Variants in SORT1 observed in about 807,000 individuals in gnomAD.
The protein encoded by SORT1 is sortilin 1, also known as sortilin.
Under a neutral mutation model 101.7 loss-of-function variants are expected in SORT1, and 39 were observed. The observed-to-expected ratio is 0.38, with a 90% CI of 0.30 to 0.50. The LOEUF is 0.50. SORT1 is among the 20% of genes least tolerant of loss of function. SORT1 has a pLI of 0.90. For missense variants in SORT1, 878 were observed against 1,040.4 expected (o/e 0.84, Z 2.15); for synonymous variants, 396 against 393.7 (o/e 1.01, Z -0.07).
chr1:109,390,752 AGTGTGTGT>A (rs749381586), intron 1 of SORT1, among the ~76,000 whole-genome samples: 2 of 144,428 alleles, frequency 1.4e-5, no homozygotes, highest in Non-Finnish European at 3.0e-5. Flanking sequence ...AATATTAGAA[AGTGTGTGT>A]GTGTGTGTGT....
Position 109,310,311 on chromosome 1 carries a change from C to A in SORT1, c.*3732G>T, listed in dbSNP as rs970423333. The A allele has an allele frequency of 6.5e-6, 1 of 153,454 alleles. No homozygotes were observed. The highest frequency in any genetic ancestry group is 6.5e-5 in the Admixed American group (1 of 15,272). 9.5% of individuals were successfully genotyped at this position (153,454 alleles called of 1,614,324 possible). A position where few individuals can be genotyped will look rare whatever the true frequency, so the allele number is the denominator to read the frequency against. ...TCTGACTCTTGTTATTATAATGCAA[C>A]CTAACCAAGAAATCAACATGCTCCT... On this transcript the variant is annotated 3_prime_UTR_variant, in exon 20 of 20. Coordinates refer to ENST00000256637, the MANE Select transcript of SORT1 (RefSeq NM_002959.7).
chr1:109,349,675 G>A (rs1649834449), intron 6 of SORT1, among the ~76,000 whole-genome samples: 1 of 152,206 alleles, frequency 6.6e-6, no homozygotes, highest in Non-Finnish European at 1.5e-5. Flanking sequence ...GGGAGGCTGA[G>A]GCAGAAGGAT....
intron 1 of SORT1, 194 bp downstream of exon 1, chr1:109,397,393 A>T: frequency 5.8e-6 from 1 of 173,106 alleles, no homozygotes; most frequent in Non-Finnish European, 1.2e-5. Context: ...CTCCCCTATG[A>T]CAAAACACAG....
chr1:109,355,550 C>T (rs1650249802), intron 3 of SORT1, 81 bp from the exon 4 acceptor site: 3 of 705,438 alleles, frequency 4.3e-6, no homozygotes, highest in Non-Finnish European at 7.7e-6. Context: ...TTCATTCTCC[C>T]TTTCCACCAA....
At chr1:109,348,976 G>GA (rs879445141) in intron 6 of SORT1, among the ~76,000 whole-genome samples, 23 of 150,432 alleles carry the variant, frequency 1.5e-4, no homozygotes, top group South Asian at 8.4e-4. Context: ...CTTAAAAAAA[G>GA]AAAAAAAAAT....
chr1:109,351,641 C>T (rs1175777261), intron 5 of SORT1, among the ~76,000 whole-genome samples: 1 of 152,176 alleles, frequency 6.6e-6, no homozygotes, highest in African/African-American at 2.4e-5. Flanking sequence ...GAGGCCAGCT[C>T]ACAGAGAGCC....
intron 1 of SORT1, chr1:109,392,952 A>T (rs1350284327): frequency 1.0e-6 from 1 of 985,302 alleles, no homozygotes; most frequent in African/African-American, 1.7e-5. Flanking sequence ...GGTGCTAGGG[A>T]AGGTAGGATG....
chr1:109,373,000 A>T (rs1651585170), intron 1 of SORT1, among the ~76,000 whole-genome samples: 1 of 152,070 alleles, frequency 6.6e-6, no homozygotes, highest in Admixed American at 6.5e-5. Context: ...GGCTGCAGTG[A>T]GGCAAGATTG....
intron 14 of SORT1, among the ~76,000 whole-genome samples, chr1:109,323,578 A>G (rs1204309140): frequency 6.6e-6 from 1 of 152,242 alleles, no homozygotes; most frequent in Non-Finnish European, 1.5e-5. Flanking sequence ...CCATGTGTTC[A>G]TTGGCTTAAG....
At chr1:109,319,991 G>A (rs1017787767) in intron 15 of SORT1, among the ~76,000 whole-genome samples, 2 of 152,148 alleles carry the variant, frequency 1.3e-5, no homozygotes, top group African/African-American at 4.8e-5. Flanking sequence ...TGCAGCATCT[G>A]ACATACTGTT....
chr1:109,314,530 C>A, intron 18 of SORT1, 142 bp downstream of exon 18: 1 of 1,177,812 alleles, frequency 8.5e-7, no homozygotes. Flanking sequence ...GAAAAATGTA[C>A]GACATGAGAA....
chr1:109,388,396 AC>A (rs1652711207), intron 1 of SORT1, among the ~76,000 whole-genome samples: 1 of 150,390 alleles, frequency 6.6e-6, no homozygotes, highest in Non-Finnish European at 1.5e-5. Context: ...ATGCTACCAT[AC>A]CAGGCTAATT....
chr1:109,341,288 T>C (rs986206957), intron 9 of SORT1, among the ~76,000 whole-genome samples: 1 of 152,198 alleles, frequency 6.6e-6, no homozygotes, highest in African/African-American at 2.4e-5. Flanking sequence ...ACTGATGCTA[T>C]TGTAAAACAT....
At chr1:109,317,590 G>A (rs1647313328) in intron 16 of SORT1, among the ~76,000 whole-genome samples, 1 of 152,232 alleles carries the variant, frequency 6.6e-6, no homozygotes, top group South Asian at 2.1e-4. Flanking sequence ...GGTTGGGCGG[G>A]AGGCAGGGGT....
intron 8 of SORT1, among the ~76,000 whole-genome samples, chr1:109,343,734 C>G (rs1649387619): frequency 1.3e-5 from 2 of 152,106 alleles, no homozygotes; most frequent in Non-Finnish European, 1.5e-5. Context: ...CTGCAACCTC[C>G]GTCTCCACAG....
chr1:109,397,499 C>T (rs1286019704), intron 1 of SORT1, 88 bp downstream of exon 1: 42 of 915,710 alleles, frequency 4.6e-5, no homozygotes, highest in Non-Finnish European at 5.1e-5. Flanking sequence ...CTGGGGTCTC[C>T]TCCGGGAGTC....
chr1:109,317,227 A>G (rs72646586), intron 16 of SORT1, among the ~76,000 whole-genome samples: 318 of 152,274 alleles, frequency 2.1e-3, no homozygotes, highest in African/African-American at 6.9e-3. Context: ...TCTGACCCCA[A>G]AAAAGCTCAT....
At chr1:109,355,220 A>C in intron 4 of SORT1, 147 bp downstream of exon 4, 1 of 608,610 alleles carries the variant, frequency 1.6e-6, no homozygotes, top group Non-Finnish European at 2.9e-6. Flanking sequence ...GACCCTTAAA[A>C]AATTGTGTTT....
At chr1:109,342,797 GTC>G (rs1415040268) in intron 8 of SORT1, among the ~76,000 whole-genome samples, 5 of 152,080 alleles carry the variant, frequency 3.3e-5, no homozygotes, top group Non-Finnish European at 7.3e-5. Flanking sequence ...GACGAAAAGA[GTC>G]TGTTAAGAAA....
Sources: allele counts gnomAD v4.1 joint callset (sites outside exome capture counted in the v4.1 genomes callset), GRCh38; gene constraint gnomAD v4.1.1; transcripts MANE v1.5; gene names NCBI Gene and HGNC (gene_info 2026-07-23, HGNC 2026-07-21).